KIAA0319L: variants seen among roughly 807,000 people sequenced by gnomAD.
KIAA0319L encodes dyslexia-associated protein KIAA0319-like protein.
Under a neutral mutation model 120.1 loss-of-function variants are expected in KIAA0319L, and 55 were observed. That is an observed-to-expected ratio of 0.46 (90% CI 0.37 to 0.57). The LOEUF (loss-of-function observed/expected upper bound fraction) is 0.57. Among genes scored for constraint, KIAA0319L ranks in the 20% least tolerant of loss-of-function variants. The pLI is 0.00. For missense variants in KIAA0319L, 1,049 were observed against 1,255.3 expected (o/e 0.84, Z 2.48); for synonymous variants, 398 against 471.9 (o/e 0.84, Z 2.03).
chr1:35,514,328 T>C (rs1645591307), intron 2 of KIAA0319L, among the ~76,000 whole-genome samples: 1 of 151,382 alleles, frequency 6.6e-6, no homozygotes, highest in African/African-American at 2.4e-5. Flanking sequence ...TTTACGAACA[T>C]TTACTGTGTT....
chr1:35,545,228 A>T (rs961900464), intron 2 of KIAA0319L, among the ~76,000 whole-genome samples: 1 of 152,148 alleles, frequency 6.6e-6, no homozygotes, highest in Non-Finnish European at 1.5e-5. Flanking sequence ...CTAGGGGGGC[A>T]AGAGGAGCAT....
intron 2 of KIAA0319L, among the ~76,000 whole-genome samples, chr1:35,523,782 GA>G (rs1458626401): frequency 6.6e-6 from 1 of 152,148 alleles, no homozygotes; most frequent in African/African-American, 2.4e-5. Flanking sequence ...CAGACCAGAG[GA>G]AAAACAGTGT....
chr1:35,497,272 T>C (rs966029288), intron 3 of KIAA0319L, among the ~76,000 whole-genome samples: 2 of 151,714 alleles, frequency 1.3e-5, no homozygotes, highest in East Asian at 1.9e-4. Context: ...TCAAACTGGA[T>C]TGTAATAATG....
chr1:35,485,727 G>T (rs1436758629), intron 3 of KIAA0319L, among the ~76,000 whole-genome samples: 1 of 152,184 alleles, frequency 6.6e-6, no homozygotes, highest in Non-Finnish European at 1.5e-5. Context: ...CTTTTAGTTG[G>T]CAAAGCTGTG....
At chr1:35,485,392 T>C (rs879629403) in intron 3 of KIAA0319L, among the ~76,000 whole-genome samples, 58 of 152,334 alleles carry the variant, frequency 3.8e-4, no homozygotes, top group Non-Finnish European at 7.5e-4. Flanking sequence ...GGGTTGCTCA[T>C]AGACCTCAAA....
At chr1:35,513,485 T>A (rs940842283) in intron 2 of KIAA0319L, among the ~76,000 whole-genome samples, 1 of 151,556 alleles carries the variant, frequency 6.6e-6, no homozygotes, top group Non-Finnish European at 1.5e-5. Flanking sequence ...GGTGTGGTGG[T>A]GTGCACTTGT....
intron 6 of KIAA0319L, among the ~76,000 whole-genome samples, chr1:35,470,457 C>T (rs896675647): frequency 1.4e-5 from 2 of 140,898 alleles, no homozygotes; most frequent in African/African-American, 5.4e-5. Context: ...CACACCACTG[C>T]ACTTCGGCCT....
intron 10 of KIAA0319L, 147 bp from the exon 11 acceptor site, chr1:35,454,632 A>C: frequency 7.0e-7 from 1 of 1,423,574 alleles, no homozygotes; most frequent in Non-Finnish European, 9.2e-7. Flanking sequence ...CATGTGAGTG[A>C]ATATGGAGTC....
chr1:35,534,456 A>C (rs1482657271), intron 2 of KIAA0319L, among the ~76,000 whole-genome samples: 1 of 152,240 alleles, frequency 6.6e-6, no homozygotes, highest in Non-Finnish European at 1.5e-5. Context: ...CAAAACCTGA[A>C]TCTTGCAGTA....
chr1:35,475,296 T>C (rs905606435), intron 4 of KIAA0319L, among the ~76,000 whole-genome samples: 2 of 152,144 alleles, frequency 1.3e-5, no homozygotes, highest in African/African-American at 2.4e-5. Context: ...CCTCCCTATA[T>C]ACTACATTCC....
chr1:35,536,172 C>T (rs1230688444), intron 2 of KIAA0319L, among the ~76,000 whole-genome samples: 1 of 152,066 alleles, frequency 6.6e-6, no homozygotes, highest in Admixed American at 6.6e-5. Flanking sequence ...GGGGAGTGCA[C>T]TGAATAGGAA....
At chr1:35,438,227 A>G (rs1640937629) in intron 20 of KIAA0319L, among the ~76,000 whole-genome samples, 1 of 152,074 alleles carries the variant, frequency 6.6e-6, no homozygotes, top group African/African-American at 2.4e-5. Context: ...AACTCCATTC[A>G]TAACTGTCTT....
At chr1:35,541,506 C>G (rs532571214) in intron 2 of KIAA0319L, among the ~76,000 whole-genome samples, 1 of 152,030 alleles carries the variant, frequency 6.6e-6, no homozygotes, top group East Asian at 1.9e-4. Context: ...TGCACCACCA[C>G]ACCTGGCTAA....
chr1:35,508,204 A>T (rs1645279022), intron 2 of KIAA0319L, among the ~76,000 whole-genome samples: 1 of 152,390 alleles, frequency 6.6e-6, no homozygotes, highest in South Asian at 2.1e-4. Flanking sequence ...GGACCTTCAT[A>T]GTGAGTGTCT....
At chr1:35,489,070 T>C (rs772276304) in intron 3 of KIAA0319L, among the ~76,000 whole-genome samples, 7 of 152,174 alleles carry the variant, frequency 4.6e-5, no homozygotes, top group Non-Finnish European at 1.0e-4. Context: ...AACTTAATGA[T>C]AGAGTTGAGT....
At chr1:35,443,365 C>A in intron 17 of KIAA0319L, 1 of 208,954 alleles carries the variant, frequency 4.8e-6, no homozygotes, top group Admixed American at 5.3e-5. Flanking sequence ...TTATATTAAA[C>A]GTTTTTGAAA....
Position 35,438,248 on chromosome 1 carries a change from C to T in KIAA0319L, c.2962+2799G>A, listed in dbSNP as rs117186559. On this transcript the variant is annotated intron_variant, in intron 20 of 20. Coordinates refer to ENST00000325722, the MANE Select transcript of KIAA0319L (RefSeq NM_024874.5). ...ATTCATAACTGTCTTGCACCAAACA[C>T]TTGATCTCCACCATTTCTTCTCCAG... Among the ~76,000 whole-genome samples, 8 of 152,320 alleles carry T rather than the reference C, an allele frequency of 5.3e-5. No homozygotes were observed. In the East Asian group the frequency reaches 1.3e-3, roughly 26 times the overall value.
chr1:35,518,996 A>G lies in KIAA0319L; in HGVS notation c.143-11861T>C, dbSNP rs114203896. Among the ~76,000 whole-genome samples, 389 of 151,884 alleles carry G rather than the reference A, an allele frequency of 2.6e-3. 3 individuals carry two copies. Among genetic ancestry groups the G allele is most frequent in the African/African-American group, 9.1e-3 (378 of 41,436 alleles). On this transcript the variant is annotated intron_variant, in intron 2 of 20. Transcript: ENST00000325722. ...CTGTCTCAAAAAAAAAAAAAAAAAA[A>G]AGGCTTCCTTGCTCAAATTCTCCTT... is the stretch of plus-strand genomic sequence containing the variant.
intron 1 of KIAA0319L, 196 bp from the exon 2 acceptor site, chr1:35,554,715 G>A (rs897846716): frequency 2.1e-5 from 8 of 379,414 alleles, no homozygotes; most frequent in South Asian, 9.7e-5. Context: ...AACACAGCAA[G>A]GGATATCAAA....
Sources: allele counts gnomAD v4.1 joint callset (sites outside exome capture counted in the v4.1 genomes callset), GRCh38; gene constraint gnomAD v4.1.1; transcripts MANE v1.5; gene names NCBI Gene and HGNC (gene_info 2026-07-23, HGNC 2026-07-21).